The following YBX1 variants were observed in gnomAD, a reference collection of about 807,000 sequenced individuals.
YBX1 encodes the protein Y-box binding protein 1.
YBX1 carries 3 observed loss-of-function variants against 41.4 expected under a neutral mutation model. The ratio of observed to expected loss-of-function variants is 0.07; its 90% CI spans 0.03 to 0.19. The LOEUF is 0.19. Ranked by LOEUF, YBX1 falls within the 10% of genes least tolerant of loss-of-function variation. YBX1 has a pLI of 1.00. For synonymous variants in YBX1, 133 were observed against 165.8 expected, an observed-to-expected ratio of 0.80 and a Z score of 1.52; for missense variants, 274 against 462.8, an observed-to-expected ratio of 0.59 and a Z score of 3.74.
At position 42,693,570 on chromosome 1, in the gene YBX1, G is replaced by A. The variant is rs79584188; in HGVS notation, c.264+47G>A. The A allele has an allele frequency of 4.4e-6, 7 of 1,601,462 alleles. No individual in the cohort carries two copies. In the East Asian group the frequency reaches 1.1e-4, roughly 26 times the overall value. ...TGCACTTCTGATTCAAGGATTGTAA[G>A]AAGAAAAGGTTAGATATGTTCTCAG... On this transcript the variant is annotated intron_variant, in intron 3 of 7. Coordinates refer to ENST00000321358, the MANE Select transcript of YBX1 (RefSeq NM_004559.5).
At position 42,682,437 on chromosome 1, in the gene YBX1, G is replaced by C; in HGVS notation, c.-129G>C. ...CCCGCCATTCTCGCTAGTTCGATCGGTAGCGGGAGCGGAGAGCGGACCCCA... is the reference window on the plus strand; with the variant it reads ...CCCGCCATTCTCGCTAGTTCGATCGCTAGCGGGAGCGGAGAGCGGACCCCA... On this transcript the variant is annotated 5_prime_UTR_variant, in exon 1 of 8. Coordinates refer to ENST00000321358, the MANE Select transcript of YBX1 (RefSeq NM_004559.5). 3 of 1,143,954 alleles carry C rather than the reference G, an allele frequency of 2.6e-6. No individual in the cohort carries two copies. Among genetic ancestry groups the C allele is most frequent in the Non-Finnish European group, 3.4e-6 (3 of 886,214 alleles). 70.9% of individuals were successfully genotyped at this position (1,143,954 alleles called of 1,614,324 possible).
intron 2 of YBX1, among the ~76,000 whole-genome samples, chr1:42,691,794 C>T (rs908554552): frequency 2.6e-5 from 4 of 152,170 alleles, no homozygotes; most frequent in Non-Finnish European, 2.9e-5. Context: ...TTTACATAGT[C>T]TTCTAGCAAC....
At chr1:42,700,650 A>G in intron 6 of YBX1, 131 bp from the exon 7 acceptor site, 1 of 442,906 alleles carries the variant, frequency 2.3e-6, no homozygotes, top group Non-Finnish European at 3.5e-6. Context: ...CTTTACACAA[A>G]TTGCCTACAG....
At chr1:42,694,852 T>A (rs1288507389) in intron 3 of YBX1, among the ~76,000 whole-genome samples, 4 of 152,162 alleles carry the variant, frequency 2.6e-5, no homozygotes, top group Admixed American at 2.6e-4. Flanking sequence ...CAAAAGAATG[T>A]GTAGACTTAG....
rs1331927143 is a variant in YBX1 at position 42,702,170 on chromosome 1, G to GT, written c.*227dup. ...GTCTCTTTTTGGTAATAACAAACGT[G>GT]TTTTTTAAAAAAGCCTGGTTTTTCT... On this transcript the variant is annotated 3_prime_UTR_variant, in exon 8 of 8. Coordinates refer to ENST00000321358, the MANE Select transcript of YBX1 (RefSeq NM_004559.5). 1 of 152,734 alleles carries GT rather than the reference G, an allele frequency of 6.5e-6. No individual in the cohort carries two copies. The allele number at this position is 152,734 out of a possible 1,614,324, so 9.5% of individuals were successfully genotyped here.
In YBX1 at chr1:42,702,952, G is replaced by C. The variant is rs952839189; in HGVS notation, c.*1003G>C. 6.6e-6 allele frequency among the ~76,000 whole-genome samples: 1 copy of C among 152,154 alleles called. No individual in the cohort carries two copies. Among genetic ancestry groups the C allele is most frequent in the Non-Finnish European group, 1.5e-5 (1 of 68,026 alleles). ...GCTGATCTTTTCTCTTTTTGAGACG[G>C]AGTCTTGTTCTGTCATCAGGCTGGA... On this transcript the variant is annotated 3_prime_UTR_variant, in exon 8 of 8. Coordinates refer to ENST00000321358, the MANE Select transcript of YBX1 (RefSeq NM_004559.5).
In YBX1 at chr1:42,696,194, A is replaced by T. The variant is rs200271242; in HGVS notation, c.265-5A>T. 240 of 1,604,998 alleles carry T rather than the reference A, an allele frequency of 1.5e-4. No homozygotes were observed. Among genetic ancestry groups the T allele is most frequent in the Non-Finnish European group, 1.8e-4 (215 of 1,174,806 alleles). On this transcript the variant is annotated splice_polypyrimidine_tract_variant and splice_region_variant and intron_variant, in intron 3 of 7. Coordinates refer to ENST00000321358, the MANE Select transcript of YBX1 (RefSeq NM_004559.5). This position sits in a 1 kb window ranked among gnomAD's most constrained non-coding sequence, Gnocchi z 5.7. ...TAATCTATTTTTGGAATGTGATATTACTAGACTGCCATAAAGAAGAATAAC... is the reference window on the plus strand; with the variant it reads ...TAATCTATTTTTGGAATGTGATATTTCTAGACTGCCATAAAGAAGAATAAC...
rs1650476243 is a variant in YBX1 at position 42,696,947 on chromosome 1, A to G, written c.657+3A>G. 5 of 1,550,512 alleles carry G rather than the reference A, an allele frequency of 3.2e-6. No individual in the cohort carries two copies. The South Asian group carries it at 6.1e-5, about 19-fold the overall frequency. The stretch of plus-strand genomic sequence containing the variant: ...CTGTGCAGGGAGAAGTGATGGAGGT[A>G]AGTTTCACCATCAACAACAGCAATG... On this transcript the variant is annotated splice_donor_region_variant and intron_variant, in intron 5 of 7. Coordinates refer to ENST00000321358, the MANE Select transcript of YBX1 (RefSeq NM_004559.5). The surrounding 1 kb of genome is among the most constrained non-coding windows in gnomAD (Gnocchi z 5.7).
chr1:42,690,406 A>G (rs1650300407), intron 2 of YBX1, among the ~76,000 whole-genome samples: 2 of 152,208 alleles, frequency 1.3e-5, no homozygotes, highest in Non-Finnish European at 2.9e-5. Context: ...TATTATAGAC[A>G]GTCATACACT....
intron 6 of YBX1, among the ~76,000 whole-genome samples, chr1:42,697,510 AT>A (rs1650490837): frequency 6.6e-6 from 1 of 152,230 alleles, no homozygotes; most frequent in Admixed American, 6.5e-5. Flanking sequence ...GTAAGATAAT[AT>A]TTTAAACCAC....
In YBX1 at chr1:42,682,740, C is replaced by CGGACAG. The variant is rs1329354479; in HGVS notation, c.166+14_166+19dup. The stretch of plus-strand genomic sequence containing the variant: ...GGACAAGAAGGTCATCGGTGAGGAC[C>CGGACAG]GGACAGGGACGGGGGTGGGGCCCTC... On this transcript the variant is annotated intron_variant, in intron 1 of 7. Coordinates refer to ENST00000321358, the MANE Select transcript of YBX1 (RefSeq NM_004559.5). 25 of 1,220,008 alleles carry CGGACAG rather than the reference C, an allele frequency of 2.0e-5. No individual in the cohort carries two copies. The highest frequency in any genetic ancestry group is 6.3e-5 in the African/African-American group (4 of 63,140). The allele number at this position is 1,220,008 out of a possible 1,614,324, so 75.6% of individuals were successfully genotyped here.
At chr1:42,690,247 C>CTTTT (rs201469298) in intron 2 of YBX1, among the ~76,000 whole-genome samples, 1 of 143,896 alleles carries the variant, frequency 6.9e-6, no homozygotes. Flanking sequence ...TTTTTCTTTT[C>CTTTT]TTTTTTTTTT....
At chr1:42,683,720 A>G (rs528763680) in intron 2 of YBX1, among the ~76,000 whole-genome samples, 2 of 152,370 alleles carry the variant, frequency 1.3e-5, no homozygotes, top group South Asian at 2.1e-4. Context: ...GTACAAAGCA[A>G]TTCAAAAGGC....
rs1368663441 is a variant in YBX1, at chr1:42,703,035, C to G, written c.*1086C>G. ...TCCACCTCTAGGTTTAAGCGATTCT[C>G]CTGCCTCGGCCACCTTAGTAGCTGG... On this transcript the variant is annotated 3_prime_UTR_variant, in exon 8 of 8. Coordinates refer to ENST00000321358, the MANE Select transcript of YBX1 (RefSeq NM_004559.5). Among the ~76,000 whole-genome samples, 2 of 152,182 alleles carry G rather than the reference C, an allele frequency of 1.3e-5. No homozygotes were observed. The highest frequency in any genetic ancestry group is 2.9e-5 in the Non-Finnish European group (2 of 68,032).
At chr1:42,700,608 A>AAC (rs1176640688) in intron 6 of YBX1, among the ~76,000 whole-genome samples, 173 bp from the exon 7 acceptor site, 1 of 57,716 alleles carries the variant, frequency 1.7e-5, no homozygotes, top group African/African-American at 7.7e-5. Flanking sequence ...CCTACTCAGC[A>AAC]TCCCCCCCCC....
chr1:42,693,499 C>T lies in YBX1; in HGVS notation c.240C>T (p.Thr80=). Residue 80 remains threonine (T), a synonymous_variant, in exon 3 of 8, where the codon ACC becomes ACT. Transcript: ENST00000321358. ...NGYGFINRND[T]KEDVFVHQTA... is the part of the protein sequence containing the mutation. ...TGGTTCTGTCTTGCAGGAATGACAC[C>T]AAGGAAGATGTATTTGTACACCAGG... The T allele has an allele frequency of 6.2e-7, 1 of 1,613,512 alleles. No individual in the cohort carries two copies. The highest frequency in any genetic ancestry group is 8.5e-7 in the Non-Finnish European group (1 of 1,179,720).
At position 42,691,484 on chromosome 1, in the gene YBX1, T is replaced by C. The variant is rs866576970; in HGVS notation, c.231-2006T>C. Among the ~76,000 whole-genome samples the C allele has an allele frequency of 9.2e-5, 14 of 152,306 alleles. No homozygotes were observed. In the South Asian group the frequency reaches 2.9e-3, roughly 32 times the overall value. On this transcript the variant is annotated intron_variant, in intron 2 of 7. Coordinates refer to ENST00000321358, the MANE Select transcript of YBX1 (RefSeq NM_004559.5). ...GAGGCCCGGCTAATTTTTTATTTTT[T>C]ATAGATATAGGGTCTCGCCACGTAA...
Position 42,703,622 on chromosome 1 carries a change from C to T in YBX1, c.*1673C>T, listed in dbSNP as rs1233890921. ...ACTGTTGGTAGCATCTAAACTGTTACTTACAACTGCAGACGCACACAGTCC... is the reference window on the plus strand; with the variant it reads ...ACTGTTGGTAGCATCTAAACTGTTATTTACAACTGCAGACGCACACAGTCC... On this transcript the variant is annotated 3_prime_UTR_variant, in exon 8 of 8. Transcript: ENST00000321358. Among the ~76,000 whole-genome samples the T allele has an allele frequency of 6.6e-6, 1 of 152,100 alleles. No homozygotes were observed. Among genetic ancestry groups the T allele is most frequent in the African/African-American group, 2.4e-5 (1 of 41,402 alleles).
intron 6 of YBX1, among the ~76,000 whole-genome samples, chr1:42,697,687 T>C (rs1437910681): frequency 1.3e-5 from 2 of 151,996 alleles, no homozygotes; most frequent in Non-Finnish European, 2.9e-5. Flanking sequence ...TTTTTTGGAG[T>C]TGGGAGTTGT....
Sources: allele counts gnomAD v4.1 joint callset (sites outside exome capture counted in the v4.1 genomes callset), GRCh38; gene constraint gnomAD v4.1.1; non-coding constraint Gnocchi (gnomAD v3.1); transcripts MANE v1.5; gene names NCBI Gene and HGNC (gene_info 2026-07-23, HGNC 2026-07-21).